Variants in SIL1 observed in about 807,000 individuals in gnomAD.
The protein encoded by SIL1 is nucleotide exchange factor SIL1.
A neutral mutation model predicts 49.1 loss-of-function variants in SIL1; 40 were observed. That is an observed-to-expected ratio of 0.81 (90% confidence interval 0.63 to 1.06). SIL1 has a LOEUF of 1.06. Ranked by LOEUF, SIL1 falls within the 50% of genes least tolerant of loss-of-function variation. The pLI, the probability that SIL1 is intolerant of heterozygous loss-of-function variation, is 0.00. For synonymous variants in SIL1, 253 were observed against 250.8 expected (o/e 1.01, Z -0.08); for missense variants, 500 against 572.6 (o/e 0.87, Z 1.29).
chr5:139,003,532 C>A (rs1019193702), intron 7 of SIL1, among the ~76,000 whole-genome samples: 2 of 152,140 alleles, frequency 1.3e-5, no homozygotes, highest in Non-Finnish European at 1.5e-5. Context: ...GGGACTATTC[C>A]CAAAGACTAA....
chr5:138,973,325 AT>A (rs1767324076), intron 7 of SIL1, among the ~76,000 whole-genome samples: 1 of 151,864 alleles, frequency 6.6e-6, no homozygotes, highest in Non-Finnish European at 1.5e-5. Context: ...TCTGTGTCTT[AT>A]TTTATAATAA....
chr5:139,090,445 A>T (rs1452143707), intron 3 of SIL1, among the ~76,000 whole-genome samples: 1 of 152,166 alleles, frequency 6.6e-6, no homozygotes, highest in Non-Finnish European at 1.5e-5. Context: ...AACTAGAATG[A>T]CCTACTGGAT....
intron 3 of SIL1, among the ~76,000 whole-genome samples, chr5:139,064,993 C>T (rs1045204413): frequency 3.3e-5 from 5 of 152,148 alleles, no homozygotes; most frequent in African/African-American, 1.2e-4. Flanking sequence ...TTCAGTTTTC[C>T]CAGCTATGAG....
In SIL1 at chr5:139,147,544, A is replaced by G. The variant is rs538578644; in HGVS notation, c.-10-19691T>C. ...CATAGCAAGAGCCCATCCCATTAAC[A>G]ATTCACTGCCTCAGCACTCCAGAGG... On this transcript the variant is annotated intron_variant, in intron 1 of 9. Coordinates refer to ENST00000394817, the MANE Select transcript of SIL1 (RefSeq NM_022464.5). 3.9e-5 allele frequency among the ~76,000 whole-genome samples: 6 copies of G among 152,304 alleles called. No individual in the cohort carries two copies. The East Asian group carries it at 1.2e-3, about 29-fold the overall frequency.
At chr5:138,974,621 G>A (rs1185841642) in intron 7 of SIL1, among the ~76,000 whole-genome samples, 2 of 152,228 alleles carry the variant, frequency 1.3e-5, no homozygotes. Flanking sequence ...CAGGCATCAC[G>A]TGGAAGAACA....
chr5:139,008,665 T>G, intron 7 of SIL1, among the ~76,000 whole-genome samples: 1 of 149,062 alleles, frequency 6.7e-6, no homozygotes, highest in East Asian at 1.9e-4. Flanking sequence ...TGTTGTGTCT[T>G]TGTTCTCATT....
intron 3 of SIL1, among the ~76,000 whole-genome samples, chr5:139,064,490 T>A (rs1000331007): frequency 6.6e-6 from 1 of 152,162 alleles, no homozygotes; most frequent in Non-Finnish European, 1.5e-5. Context: ...CACCTCCCAT[T>A]GGGGGAGCCC....
At position 139,051,134 on chromosome 5, in the gene SIL1, T is replaced by C. The variant is rs559073840; in HGVS notation, c.245-88A>G. 3 of 1,183,276 alleles carry C rather than the reference T, an allele frequency of 2.5e-6. No individual in the cohort carries two copies. The Admixed American group carries it at 5.1e-5, about 20-fold the overall frequency. 73.3% of individuals were successfully genotyped at this position (1,183,276 alleles called of 1,614,324 possible). Reference sequence around the variant, plus strand: ...CCAGCAAGCCAACAGGACTTACTAGTTCATGAAGACACGACTCAGCTGTGT... The same window carrying C: ...CCAGCAAGCCAACAGGACTTACTAGCTCATGAAGACACGACTCAGCTGTGT... On this transcript the variant is annotated intron_variant, in intron 3 of 9. Coordinates refer to ENST00000394817, the MANE Select transcript of SIL1 (RefSeq NM_022464.5).
chr5:139,091,049 T>C lies in SIL1; in HGVS notation c.244+29986A>G, dbSNP rs1770331451. Reference sequence around the variant, plus strand: ...TCTTTAAATATACAAAATGAAAACATATAAGTACCAAAAGAAAGCATAGGT... The same window carrying C: ...TCTTTAAATATACAAAATGAAAACACATAAGTACCAAAAGAAAGCATAGGT... On this transcript the variant is annotated intron_variant, in intron 3 of 9. Transcript: ENST00000394817. Among the ~76,000 whole-genome samples, 6 of 152,268 alleles carry C rather than the reference T, an allele frequency of 3.9e-5. No homozygotes were observed. In the South Asian group the frequency reaches 1.2e-3, roughly 32 times the overall value.
At chr5:139,055,795 C>T (rs1179186460) in intron 3 of SIL1, among the ~76,000 whole-genome samples, 4 of 117,292 alleles carry the variant, frequency 3.4e-5, no homozygotes, top group Non-Finnish European at 7.1e-5. Flanking sequence ...CTCAGCCTGC[C>T]GAGTGCCTGC....
chr5:139,189,677 CG>C (rs1752133924), intron 1 of SIL1, among the ~76,000 whole-genome samples: 1 of 151,992 alleles, frequency 6.6e-6, no homozygotes, highest in African/African-American at 2.4e-5. Context: ...CAAAAATTAG[CG>C]GGTGTGGTGG....
intron 3 of SIL1, among the ~76,000 whole-genome samples, chr5:139,090,257 T>C (rs944952054): frequency 6.6e-6 from 1 of 152,144 alleles, no homozygotes; most frequent in Non-Finnish European, 1.5e-5. Context: ...TGAGACTGAA[T>C]ACCTGATGAG....
intron 7 of SIL1, among the ~76,000 whole-genome samples, chr5:138,966,043 A>G (rs1271415694): frequency 6.6e-6 from 1 of 152,044 alleles, no homozygotes; most frequent in Non-Finnish European, 1.5e-5. Context: ...ATGAGGACCC[A>G]GCTTCCTCAT....
chr5:139,153,281 C>T (rs559693255), intron 1 of SIL1, among the ~76,000 whole-genome samples: 14 of 152,278 alleles, frequency 9.2e-5, no homozygotes, highest in Admixed American at 5.9e-4. Flanking sequence ...AAGACACTTC[C>T]GCTTTGAGGC....
intron 7 of SIL1, among the ~76,000 whole-genome samples, chr5:139,000,304 T>C (rs1404312852): frequency 2.0e-5 from 3 of 152,226 alleles, no homozygotes; most frequent in Non-Finnish European, 4.4e-5. Flanking sequence ...CTTGTATCCC[T>C]GACCCAAGGC....
chr5:139,162,151 A>G (rs1344050090), intron 1 of SIL1, among the ~76,000 whole-genome samples: 2 of 152,192 alleles, frequency 1.3e-5, no homozygotes, highest in African/African-American at 2.4e-5. Flanking sequence ...AATATTTGCC[A>G]TGAAAAACCA....
intron 7 of SIL1, among the ~76,000 whole-genome samples, chr5:139,019,412 C>T (rs1168141769): frequency 6.6e-6 from 1 of 152,160 alleles, no homozygotes. Flanking sequence ...GGCGCCATAC[C>T]ATGCTGTCAC....
At chr5:138,956,996 A>G (rs1178563758) in intron 7 of SIL1, among the ~76,000 whole-genome samples, 1 of 151,936 alleles carries the variant, frequency 6.6e-6, no homozygotes, top group Non-Finnish European at 1.5e-5. Context: ...ACAGCCCCCA[A>G]CTGGAAGCCA....
intron 1 of SIL1, among the ~76,000 whole-genome samples, chr5:139,176,508 T>C (rs1751885034): frequency 6.6e-6 from 1 of 152,226 alleles, no homozygotes; most frequent in Non-Finnish European, 1.5e-5. Flanking sequence ...CAGGCTGCTA[T>C]AAAATAAAAA....
Sources: allele counts gnomAD v4.1 joint callset (sites outside exome capture counted in the v4.1 genomes callset), GRCh38; gene constraint gnomAD v4.1.1; transcripts MANE v1.5; gene names NCBI Gene and HGNC (gene_info 2026-07-23, HGNC 2026-07-21).